TANGO6: variants seen among roughly 807,000 people sequenced by gnomAD.
TANGO6 encodes transport and golgi organization 6 homolog.
Under a neutral mutation model 114.2 loss-of-function variants are expected in TANGO6, and 90 were observed. The ratio of observed to expected loss-of-function variants is 0.79; its 90% confidence interval spans 0.66 to 0.94. TANGO6 has a LOEUF of 0.94. Among genes scored for constraint, TANGO6 ranks in the 40% least tolerant of loss-of-function variants. The probability of loss-of-function intolerance (pLI) is 0.00; values close to 1 mark genes in which losing one functional copy is unlikely to be tolerated. For synonymous variants in TANGO6, 477 were observed against 509.8 expected, an observed-to-expected ratio of 0.94 and a Z score of 0.87; for missense variants, 1,274 against 1,315.3, an observed-to-expected ratio of 0.97 and a Z score of 0.49.
chr16:68,852,972 T>A (rs547408226), intron 1 of TANGO6, among the ~76,000 whole-genome samples: 1 of 152,348 alleles, frequency 6.6e-6, no homozygotes, highest in Admixed American at 6.5e-5. Context: ...TCAACTCATG[T>A]TTTCTCTTTT....
At chr16:69,055,390 G>A (rs1284567212) in intron 17 of TANGO6, among the ~76,000 whole-genome samples, 1 of 152,150 alleles carries the variant, frequency 6.6e-6, no homozygotes, top group Non-Finnish European at 1.5e-5. Flanking sequence ...CCCCTGTCCT[G>A]GAATCTGGCT....
chr16:69,049,493 G>A (rs550419498), intron 17 of TANGO6, among the ~76,000 whole-genome samples: 6 of 151,308 alleles, frequency 4.0e-5, no homozygotes, highest in South Asian at 2.1e-4. Flanking sequence ...GTACAATGGC[G>A]CCATCTCGTC....
intron 10 of TANGO6, among the ~76,000 whole-genome samples, chr16:68,907,880 A>G (rs1597014885): frequency 6.6e-6 from 1 of 152,234 alleles, no homozygotes; most frequent in Non-Finnish European, 1.5e-5. Context: ...TGTTGACAGT[A>G]AGAACTCTTT....
At chr16:68,902,018 G>C (rs1315641395) in intron 8 of TANGO6, among the ~76,000 whole-genome samples, 1 of 144,648 alleles carries the variant, frequency 6.9e-6, no homozygotes, top group Admixed American at 7.1e-5. Flanking sequence ...GACAGTGCCT[G>C]ATGCAAAGGC....
chr16:68,974,553 C>G (rs929349921), intron 15 of TANGO6, among the ~76,000 whole-genome samples: 1 of 151,924 alleles, frequency 6.6e-6, no homozygotes, highest in Non-Finnish European at 1.5e-5. Flanking sequence ...TCCCACTACT[C>G]GGGAGGTTAA....
chr16:69,016,206 C>T (rs765481034), intron 15 of TANGO6, among the ~76,000 whole-genome samples: 5 of 152,222 alleles, frequency 3.3e-5, no homozygotes, highest in Non-Finnish European at 7.3e-5. Context: ...AACATTGGCA[C>T]ATTGGAGTAC....
intron 16 of TANGO6, among the ~76,000 whole-genome samples, chr16:69,038,147 G>A (rs1959719623): frequency 6.6e-6 from 1 of 152,184 alleles, no homozygotes; most frequent in African/African-American, 2.4e-5. Context: ...GTATGTGAGA[G>A]GCCAGGTGCG....
chr16:68,860,243 G>A lies in TANGO6; in HGVS notation c.454G>A (p.Val152Ile). ...QKTVQFVLQF[V>I]VTLGICPYLM... ...GACTGTCCAGTTCGTTTTGCAGTTT[G>A]TAGTTACCTTGGGTATCTGCCCCTA... The change falls in exon 2 of 18, where the codon GTA becomes ATA. Residue 152 changes from valine to isoleucine, a missense_variant. Physicochemically the swap from Val to Ile is conservative, Grantham distance 29 (BLOSUM62 3). Around this residue, in one of 5 missense-constraint regions of TANGO6, gnomAD observed 908 missense variants for 910.2 expected, o/e 1.00. Coordinates refer to ENST00000261778, the MANE Select transcript of TANGO6 (RefSeq NM_024562.2). The A allele has an allele frequency of 6.2e-7, 1 of 1,614,010 alleles. No homozygotes were observed. The highest frequency in any genetic ancestry group is 8.5e-7 in the Non-Finnish European group (1 of 1,179,896).
chr16:68,859,084 T>C (rs1322963845), intron 1 of TANGO6, among the ~76,000 whole-genome samples: 1 of 152,254 alleles, frequency 6.6e-6, no homozygotes, highest in Non-Finnish European at 1.5e-5. Context: ...GTTAAATTAA[T>C]GTTTGAGCCC....
chr16:68,964,719 A>G (rs1395735596), intron 14 of TANGO6, among the ~76,000 whole-genome samples: 1 of 151,114 alleles, frequency 6.6e-6, no homozygotes, highest in Non-Finnish European at 1.5e-5. Flanking sequence ...GGGATGCATC[A>G]CCGTGCACAG....
chr16:68,917,892 A>G (rs1283384266), intron 11 of TANGO6, among the ~76,000 whole-genome samples: 1 of 150,258 alleles, frequency 6.7e-6, no homozygotes, highest in Admixed American at 6.6e-5. Flanking sequence ...AGCTGGGACT[A>G]TAGGCACTTG....
chr16:68,953,035 A>G (rs746984313), intron 14 of TANGO6, among the ~76,000 whole-genome samples: 61 of 140,730 alleles, frequency 4.3e-4, no homozygotes, highest in Non-Finnish European at 7.1e-4. Flanking sequence ...ATGTTCATTC[A>G]CTCAACAGGT....
At chr16:69,043,281 C>CAAGT (rs1236528856) in intron 17 of TANGO6, among the ~76,000 whole-genome samples, 3 of 101,020 alleles carry the variant, frequency 3.0e-5, no homozygotes, top group African/African-American at 7.3e-5. Context: ...AGAGACAGAG[C>CAAGT]GAGTGTGTGT....
At chr16:68,863,225 C>G (rs1962127318) in intron 3 of TANGO6, 164 bp downstream of exon 3, 1 of 490,954 alleles carries the variant, frequency 2.0e-6, no homozygotes, top group Admixed American at 3.6e-5. Context: ...CTAGATGACG[C>G]TGACCCTTAG....
At chr16:68,930,795 C>A (rs1253237105) in intron 14 of TANGO6, among the ~76,000 whole-genome samples, 8 of 151,922 alleles carry the variant, frequency 5.3e-5, no homozygotes, top group African/African-American at 1.9e-4. Flanking sequence ...GCCACCACGC[C>A]CAGCTAATTT....
intron 14 of TANGO6, among the ~76,000 whole-genome samples, chr16:68,970,982 G>A (rs1381809872): frequency 6.6e-6 from 1 of 151,902 alleles, no homozygotes; most frequent in Middle Eastern, 3.4e-3. Flanking sequence ...GTGAAACCCC[G>A]TCTCTACCAA....
chr16:68,952,124 A>G (rs888466202), intron 14 of TANGO6, among the ~76,000 whole-genome samples: 1 of 152,194 alleles, frequency 6.6e-6, no homozygotes, highest in African/African-American at 2.4e-5. Flanking sequence ...AGTTGCTTAA[A>G]TGTCCACTTT....
At chr16:69,057,817 C>G (rs1164810795) in intron 17 of TANGO6, among the ~76,000 whole-genome samples, 3 of 152,202 alleles carry the variant, frequency 2.0e-5, no homozygotes, top group Non-Finnish European at 2.9e-5. Context: ...CCAACAGGAG[C>G]TCTGTAAGAG....
rs534783865 is a variant in TANGO6, at chr16:69,061,743, C to T, written c.3108+21322C>T. Among the ~76,000 whole-genome samples, 15 of 150,662 alleles carry T rather than the reference C, an allele frequency of 1.0e-4. No homozygotes were observed. In the South Asian group the frequency reaches 2.7e-3, roughly 27 times the overall value. ...CCTACAGAATGCATTTCCGGCCGGG[C>T]GCGCGGTGGCTCACGCCTGTAATCC... On this transcript the variant is annotated intron_variant, in intron 17 of 17. Coordinates refer to ENST00000261778, the MANE Select transcript of TANGO6 (RefSeq NM_024562.2).
Sources: allele counts gnomAD v4.1 joint callset (sites outside exome capture counted in the v4.1 genomes callset), GRCh38; gene constraint gnomAD v4.1.1; regional missense constraint gnomAD v4.1.1; transcripts MANE v1.5; gene names NCBI Gene and HGNC (gene_info 2026-07-23, HGNC 2026-07-21).